Variants in OCA2 observed in about 807,000 individuals in gnomAD.
OCA2 encodes P protein.
Under a neutral mutation model 100.2 loss-of-function variants are expected in OCA2, and 77 were observed. The observed-to-expected ratio is 0.77, with a 90% CI of 0.64 to 0.93. The LOEUF (loss-of-function observed/expected upper bound fraction) is 0.93. OCA2 is among the 40% of genes least tolerant of loss of function. The pLI, the probability that OCA2 is intolerant of heterozygous loss-of-function variation, is 0.00. For missense variants in OCA2, 1,062 were observed against 1,089.1 expected, an observed-to-expected ratio of 0.98 and a Z score of 0.35; for synonymous variants, 432 against 439.2, an observed-to-expected ratio of 0.98 and a Z score of 0.21.
intron 19 of OCA2, among the ~76,000 whole-genome samples, chr15:27,912,249 G>A (rs2038425548): frequency 6.6e-6 from 1 of 152,198 alleles, no homozygotes; most frequent in Non-Finnish European, 1.5e-5. Context: ...CCTAGATTCA[G>A]CGACATCTAA....
At chr15:28,068,632 A>G (rs1159244746) in intron 2 of OCA2, among the ~76,000 whole-genome samples, 1 of 152,270 alleles carries the variant, frequency 6.6e-6, no homozygotes, top group East Asian at 1.9e-4. Context: ...TGGCAGAGAC[A>G]CAGTGAAAAG....
intron 11 of OCA2, among the ~76,000 whole-genome samples, chr15:27,988,346 A>C (rs2041430851): frequency 6.6e-6 from 1 of 151,848 alleles, no homozygotes; most frequent in Non-Finnish European, 1.5e-5. Flanking sequence ...TTCACCTCCT[A>C]GCCCCTAGTA....
At chr15:27,990,829 A>G (rs1405190074) in intron 9 of OCA2, among the ~76,000 whole-genome samples, 182 bp from the exon 10 acceptor site, 2 of 152,224 alleles carry the variant, frequency 1.3e-5, no homozygotes, top group Non-Finnish European at 2.9e-5. Flanking sequence ...GCTACCACCA[A>G]CGTGCCATCT....
At chr15:28,020,056 C>G (rs982946596) in intron 6 of OCA2, among the ~76,000 whole-genome samples, 1 of 151,678 alleles carries the variant, frequency 6.6e-6, no homozygotes, top group Non-Finnish European at 1.5e-5. Flanking sequence ...CTCTCCCAGG[C>G]TCTCTCTCTC....
At chr15:28,037,984 G>T (rs1464962680) in intron 2 of OCA2, among the ~76,000 whole-genome samples, 2 of 152,154 alleles carry the variant, frequency 1.3e-5, no homozygotes, top group Non-Finnish European at 1.5e-5. Flanking sequence ...TGACTAGCAA[G>T]GTTTCACCTG....
intron 23 of OCA2, among the ~76,000 whole-genome samples, chr15:27,811,054 A>T (rs1159032099): frequency 1.5e-5 from 1 of 66,852 alleles, no homozygotes; most frequent in African/African-American, 1.0e-4. Flanking sequence ...CATTATATGA[A>T]AAAGACACCG....
intron 19 of OCA2, among the ~76,000 whole-genome samples, chr15:27,906,157 A>T (rs199694287): frequency 1.3e-5 from 2 of 152,230 alleles, no homozygotes; most frequent in African/African-American, 4.8e-5. Flanking sequence ...TGTATATTTT[A>T]AAATAACTGG....
downstream of OCA2, among the ~76,000 whole-genome samples, chr15:27,753,913 C>T (rs890329296): frequency 1.3e-5 from 2 of 151,848 alleles, no homozygotes; most frequent in African/African-American, 2.4e-5. Context: ...TGGAAGGAGC[C>T]GGACATGAGG....
At position 27,896,344 on chromosome 15, in the gene OCA2, C is replaced by T. The variant is rs566141231; in HGVS notation, c.2080-24422G>A. 6.4e-5 allele frequency: 51 copies of T among 792,602 alleles called. No individual in the cohort carries two copies. The East Asian group carries it at 1.2e-3, about 18-fold the overall frequency. The allele number at this position is 792,602 out of a possible 1,614,324, so 49.1% of individuals were successfully genotyped here. A position where few individuals can be genotyped will look rare whatever the true frequency, so the allele number is the denominator to read the frequency against. Reference sequence around the variant, plus strand: ...TACTTAATGGAGGAAGATGAAGATGCTTACCAGAAACAGTTCGTTCAATAC... The same window carrying T: ...TACTTAATGGAGGAAGATGAAGATGTTTACCAGAAACAGTTCGTTCAATAC... On this transcript the variant is annotated intron_variant, in intron 19 of 23. Transcript: ENST00000354638.
intron 19 of OCA2, among the ~76,000 whole-genome samples, chr15:27,877,278 C>T (rs753172218): frequency 3.3e-5 from 5 of 151,818 alleles, no homozygotes; most frequent in South Asian, 2.1e-4. Context: ...TGACCGTGCA[C>T]GCATGACAAG....
chr15:27,901,589 C>A (rs2037934739), intron 19 of OCA2, among the ~76,000 whole-genome samples: 1 of 152,174 alleles, frequency 6.6e-6, no homozygotes, highest in Admixed American at 6.5e-5. Context: ...CTGAGAAAGA[C>A]CCTACCTCGC....
intron 21 of OCA2, among the ~76,000 whole-genome samples, chr15:27,863,581 C>T (rs1004934435): frequency 6.6e-6 from 1 of 152,160 alleles, no homozygotes; most frequent in African/African-American, 2.4e-5. Flanking sequence ...CAAGCCCCAT[C>T]TGAGGGTAAA....
chr15:27,950,603 G>T, intron 18 of OCA2: 1 of 507,890 alleles, frequency 2.0e-6, no homozygotes. Context: ...AGAAAGAAAT[G>T]GAGGGGCTGC....
intron 2 of OCA2, among the ~76,000 whole-genome samples, chr15:28,079,774 C>A (rs899859064): frequency 6.6e-6 from 1 of 152,090 alleles, no homozygotes; most frequent in Non-Finnish European, 1.5e-5. Flanking sequence ...CCGTGCCCTG[C>A]GCAGGCTGTG....
chr15:27,822,086 G>C (rs2034530826), intron 23 of OCA2, among the ~76,000 whole-genome samples: 1 of 152,086 alleles, frequency 6.6e-6, no homozygotes, highest in Non-Finnish European at 1.5e-5. Context: ...AATACAAAAA[G>C]AGAAAAAATG....
chr15:28,008,153 C>A (rs1440113433), intron 9 of OCA2, among the ~76,000 whole-genome samples: 1 of 152,236 alleles, frequency 6.6e-6, no homozygotes, highest in Non-Finnish European at 1.5e-5. Flanking sequence ...GGAGCGCCCA[C>A]GACAAAGCAT....
At chr15:27,771,787 GCTTTC>G (rs2151047050) in intron 23 of OCA2, among the ~76,000 whole-genome samples, 3 of 151,838 alleles carry the variant, frequency 2.0e-5, no homozygotes, top group African/African-American at 7.3e-5. Flanking sequence ...GTTAATTTTT[GCTTTC>G]CCATTCTCTT....
In OCA2 at chr15:27,755,230, T is replaced by TATC; in HGVS notation, c.*157_*158insGAT. On this transcript the variant is annotated 3_prime_UTR_variant, in exon 24 of 24. Coordinates refer to ENST00000354638, the MANE Select transcript of OCA2 (RefSeq NM_000275.3). ...ATGGTGTTCCAACATTCGCTTGAAT[T>TATC]AGAGTGTTAGTGTCAAGGTCTATTC... 1.5e-6 allele frequency: 1 copy of TATC among 665,116 alleles called. No homozygotes were observed. Among genetic ancestry groups the TATC allele is most frequent in the Non-Finnish European group, 2.8e-6 (1 of 358,164 alleles). 41.2% of individuals were successfully genotyped at this position (665,116 alleles called of 1,614,324 possible). A position where few individuals can be genotyped will look rare whatever the true frequency, so the allele number is the denominator to read the frequency against.
At chr15:27,795,589 G>C (rs565201034) in intron 23 of OCA2, among the ~76,000 whole-genome samples, 1 of 152,358 alleles carries the variant, frequency 6.6e-6, no homozygotes, top group South Asian at 2.1e-4. Context: ...ACCAGCATCA[G>C]CTCTTCAACA....
Sources: allele counts gnomAD v4.1 joint callset (sites outside exome capture counted in the v4.1 genomes callset), GRCh38; gene constraint gnomAD v4.1.1; transcripts MANE v1.5; gene names NCBI Gene and HGNC (gene_info 2026-07-23, HGNC 2026-07-21).